Variants in THRB observed in about 807,000 individuals in gnomAD.
THRB encodes the protein nuclear receptor subfamily 1 group A member 2.
THRB carries 12 observed loss-of-function variants against 47.8 expected under a neutral mutation model. The observed-to-expected ratio is 0.25, with a 90% confidence interval of 0.16 to 0.41. The LOEUF (loss-of-function observed/expected upper bound fraction) is 0.41, where lower values mean the gene tolerates loss of function less well. THRB is among the 10% of genes least tolerant of loss of function. The pLI is 1.00. For synonymous variants in THRB, 218 were observed against 212.2 expected (o/e 1.03, Z -0.24); for missense variants, 348 against 589.2 (o/e 0.59, Z 4.24).
In THRB at chr3:24,217,982, C is replaced by T. The variant is rs150695829; in HGVS notation, c.22+10956G>A. On this transcript the variant is annotated intron_variant, in intron 4 of 10. Transcript: ENST00000646209. ...TTACTGCTTCATTAAAAATATCTTT[C>T]CTGGCCGGGTGCTGTGGCTCACGCC... Among the ~76,000 whole-genome samples, 493 of 152,278 alleles carry T rather than the reference C, an allele frequency of 3.2e-3. 4 individuals carry two copies. Among genetic ancestry groups the T allele is most frequent in the Middle Eastern group, 6.8e-3 (2 of 294 alleles).
At chr3:24,423,726 A>G (rs529906379) in intron 1 of THRB, among the ~76,000 whole-genome samples, 18 of 151,996 alleles carry the variant, frequency 1.2e-4, no homozygotes, top group African/African-American at 3.9e-4. Flanking sequence ...TAACATGATT[A>G]TGGGTAATTA....
chr3:24,274,647 A>G (rs560661111), intron 3 of THRB, among the ~76,000 whole-genome samples: 1 of 152,172 alleles, frequency 6.6e-6, no homozygotes, highest in South Asian at 2.1e-4. Context: ...TACCTTATAT[A>G]TGACATACAA....
chr3:24,207,179 C>T (rs57101423), intron 4 of THRB, among the ~76,000 whole-genome samples: 66 of 151,998 alleles, frequency 4.3e-4, no homozygotes, highest in African/African-American at 1.5e-3. Context: ...AAAGCCTGGC[C>T]GAGACACAAC....
intron 1 of THRB, among the ~76,000 whole-genome samples, chr3:24,370,729 A>T (rs1199498852): frequency 1.3e-5 from 2 of 152,092 alleles, no homozygotes; most frequent in African/African-American, 4.8e-5. Flanking sequence ...CTACTCACTT[A>T]TCAATGCTGG....
At chr3:24,331,875 G>A (rs900657912) in intron 2 of THRB, among the ~76,000 whole-genome samples, 1 of 151,854 alleles carries the variant, frequency 6.6e-6, no homozygotes, top group Admixed American at 6.6e-5. Flanking sequence ...CCCTTTCATC[G>A]TTCCCCTTTT....
intron 1 of THRB, 38 bp downstream of exon 1, chr3:24,494,614 T>C (rs570586283): frequency 1.4e-5 from 2 of 142,058 alleles, no homozygotes; most frequent in Non-Finnish European, 3.1e-5. Context: ...CCGCCCACCC[T>C]GTGGACAGTT....
At chr3:24,405,071 TTA>T (rs2067712917) in intron 1 of THRB, among the ~76,000 whole-genome samples, 2 of 151,942 alleles carry the variant, frequency 1.3e-5, no homozygotes, top group Admixed American at 6.6e-5. Context: ...TTGAACAATT[TTA>T]TATGTTTACT....
intron 3 of THRB, among the ~76,000 whole-genome samples, chr3:24,291,408 T>C (rs1041191898): frequency 2.6e-5 from 4 of 152,214 alleles, no homozygotes; most frequent in East Asian, 1.9e-4. Context: ...TGAGTTATTG[T>C]CCATTGTCCC....
chr3:24,285,858 T>C (rs1299365276), intron 3 of THRB, among the ~76,000 whole-genome samples: 1 of 152,212 alleles, frequency 6.6e-6, no homozygotes, highest in Non-Finnish European at 1.5e-5. Context: ...TGCCTTGTTA[T>C]AGGCTAAATG....
intron 3 of THRB, among the ~76,000 whole-genome samples, chr3:24,279,487 C>T (rs2054299899): frequency 6.6e-6 from 1 of 151,998 alleles, no homozygotes; most frequent in South Asian, 2.1e-4. Context: ...CGGGTTCACG[C>T]CATTCTCCTG....
At chr3:24,350,193 G>A (rs1390657422) in intron 1 of THRB, among the ~76,000 whole-genome samples, 1 of 151,992 alleles carries the variant, frequency 6.6e-6, no homozygotes, top group Non-Finnish European at 1.5e-5. Flanking sequence ...CACCAGAATG[G>A]CTAAAATTAA....
chr3:24,399,070 G>T (rs1226719064), intron 1 of THRB, among the ~76,000 whole-genome samples: 1 of 151,716 alleles, frequency 6.6e-6, no homozygotes, highest in Non-Finnish European at 1.5e-5. Context: ...ACACACCGGG[G>T]CCTGTTGTGG....
chr3:24,290,436 G>T (rs902154100), intron 3 of THRB, among the ~76,000 whole-genome samples: 2 of 152,166 alleles, frequency 1.3e-5, no homozygotes, highest in African/African-American at 4.8e-5. Context: ...GTTCTCTCCA[G>T]TGAGCATCAT....
chr3:24,190,091 T>A lies in THRB; in HGVS notation c.266A>T (p.Glu89Val), dbSNP rs1268088648. 1 of 1,614,046 alleles carries A rather than the reference T, an allele frequency of 6.2e-7. No individual in the cohort carries two copies. The highest frequency in any genetic ancestry group is 8.5e-7 in the Non-Finnish European group (1 of 1,179,908). Residue 89 changes from glutamate (E) to valine (V), a missense_variant, in exon 5 of 11, where the codon GAG (glutamate) becomes GTG (valine). By Grantham distance (121) the Glu-to-Val change is moderately radical. Transcript: ENST00000646209. ...SVSSAQTFQT[E>V]EKKCKGYIPS... The stretch of plus-strand genomic sequence containing the variant: ...CTGGTTACCTTTACATTTCTTCTCC[T>A]CCGTTTGGAAGGTCTGGGCACTTGA...
chr3:24,155,590 C>T (rs1338682861), intron 5 of THRB, among the ~76,000 whole-genome samples: 1 of 152,208 alleles, frequency 6.6e-6, no homozygotes, highest in Non-Finnish European at 1.5e-5. Context: ...TACATACTAA[C>T]CAATTCTCCT....
intron 1 of THRB, among the ~76,000 whole-genome samples, chr3:24,491,145 C>T (rs903482123): frequency 6.6e-6 from 1 of 152,146 alleles, no homozygotes; most frequent in African/African-American, 2.4e-5. Context: ...TACTAAGAAG[C>T]TCAGAGCCAA....
intron 4 of THRB, among the ~76,000 whole-genome samples, chr3:24,221,050 C>T (rs950834105): frequency 6.6e-6 from 1 of 152,080 alleles, no homozygotes; most frequent in Admixed American, 6.5e-5. Context: ...TGGCATTCCA[C>T]ACTAGTTTCC....
chr3:24,409,111 A>G (rs188991411), intron 1 of THRB, among the ~76,000 whole-genome samples: 19 of 151,976 alleles, frequency 1.3e-4, no homozygotes, highest in African/African-American at 4.3e-4. Context: ...CCATTCTTCA[A>G]AACATCAGTG....
At chr3:24,165,197 T>TG (rs746296918) in intron 5 of THRB, 1 of 765,118 alleles carries the variant, frequency 1.3e-6, no homozygotes, top group Non-Finnish European at 2.4e-6. Flanking sequence ...TGCCCAGGCC[T>TG]GTTCCATATA....
Sources: gnomAD v4.1 joint callset for allele counts (sites outside exome capture counted in the v4.1 genomes callset) on GRCh38, gnomAD v4.1.1 for gene constraint, MANE v1.5 for transcripts, NCBI Gene and HGNC (gene_info 2026-07-23, HGNC 2026-07-21) for gene names.